The following BRD4 variants were observed in gnomAD, a reference collection of about 807,000 sequenced individuals.
The protein encoded by BRD4 is bromodomain-containing protein 4.
Under a neutral mutation model 142.1 loss-of-function variants are expected in BRD4, and 16 were observed. The ratio of observed to expected loss-of-function variants is 0.11; its 90% CI spans 0.08 to 0.17. The LOEUF is 0.17. Among genes scored for constraint, BRD4 ranks in the 10% least tolerant of loss-of-function variants. The pLI is 1.00. For synonymous variants in BRD4, 833 were observed against 707.5 expected (o/e 1.18, Z -2.82); for missense variants, 1,424 against 1,810.9 (o/e 0.79, Z 3.88).
intron 11 of BRD4, among the ~76,000 whole-genome samples, chr19:15,246,107 G>C (rs2047283591): frequency 6.6e-6 from 1 of 152,190 alleles, no homozygotes; most frequent in South Asian, 2.1e-4. Context: ...CTGCAACTGG[G>C]GACACGGGGG....
Position 15,238,334 on chromosome 19 carries a change from A to G in BRD4, c.*43T>C. On this transcript the variant is annotated 3_prime_UTR_variant, in exon 20 of 20. Coordinates refer to ENST00000679869, the MANE Select transcript of BRD4 (RefSeq NM_001379291.1). This position sits in a 1 kb window ranked among gnomAD's most constrained non-coding sequence, Gnocchi z 7.2. ...CCGCCCCTAACACTATGGAAAGTCA[A>G]TGTTTTGCCAGAAAATCAAAGTCAG... 1.2e-6 allele frequency: 2 copies of G among 1,613,112 alleles called. No individual in the cohort carries two copies. Among genetic ancestry groups the G allele is most frequent in the Non-Finnish European group, 1.7e-6 (2 of 1,179,376 alleles).
intron 7 of BRD4, among the ~76,000 whole-genome samples, chr19:15,262,119 C>A (rs186380990): frequency 5.3e-5 from 8 of 152,244 alleles, no homozygotes; most frequent in African/African-American, 1.9e-4. Context: ...CAGGTACGGG[C>A]TGCTATGCTG....
At chr19:15,292,561 G>A (rs1004100028) in intron 1 of BRD4, among the ~76,000 whole-genome samples, 2 of 151,986 alleles carry the variant, frequency 1.3e-5, no homozygotes, top group Non-Finnish European at 2.9e-5. Flanking sequence ...GGCGGATCAC[G>A]AGGTCAGGAG....
At chr19:15,284,551 G>A (rs1473510830) in intron 1 of BRD4, among the ~76,000 whole-genome samples, 2 of 152,180 alleles carry the variant, frequency 1.3e-5, no homozygotes, top group Non-Finnish European at 2.9e-5. Context: ...AACAGGCCAA[G>A]GGGTCCCCAC....
intron 1 of BRD4, among the ~76,000 whole-genome samples, chr19:15,287,654 G>A (rs2047750293): frequency 6.6e-6 from 1 of 152,140 alleles, no homozygotes; most frequent in African/African-American, 2.4e-5. Context: ...TGTCTCTGTG[G>A]AAGTGACTCC....
intron 4 of BRD4, among the ~76,000 whole-genome samples, chr19:15,266,798 T>C (rs538297083): frequency 2.0e-5 from 3 of 152,262 alleles, no homozygotes; most frequent in African/African-American, 7.2e-5. Flanking sequence ...TTCTGCAGCA[T>C]GGAGTTGCAA....
chr19:15,236,983 G>A lies in BRD4; in HGVS notation c.*1394C>T, dbSNP rs777704868. ...GGTGTAGAGTGGGTTCTCATGGCAC[G>A]CGTAACCTCACCAGGGGCTCCAATT... On this transcript the variant is annotated 3_prime_UTR_variant, in exon 20 of 20. Transcript: ENST00000679869. The A allele has an allele frequency of 7.0e-5, 14 of 200,398 alleles. No individual in the cohort carries two copies. Among genetic ancestry groups the A allele is most frequent in the Admixed American group, 1.8e-4 (3 of 16,230 alleles). 12.4% of individuals were successfully genotyped at this position (200,398 alleles called of 1,614,324 possible).
At chr19:15,247,742 G>C in intron 11 of BRD4, 1 of 233,036 alleles carries the variant, frequency 4.3e-6, no homozygotes, top group Non-Finnish European at 8.5e-6. Context: ...AGGCGGGACT[G>C]CAACAGGAAC....
chr19:15,311,712 G>C (rs569188243), intron 1 of BRD4, among the ~76,000 whole-genome samples: 62 of 152,156 alleles, frequency 4.1e-4, no homozygotes, highest in African/African-American at 1.4e-3. Context: ...TGAGGCAGGA[G>C]AATCACTTGA....
chr19:15,307,367 G>A (rs929956223), intron 1 of BRD4, among the ~76,000 whole-genome samples: 14 of 152,132 alleles, frequency 9.2e-5, no homozygotes, highest in South Asian at 2.1e-4. Context: ...CACTGACAGG[G>A]AAACAGGATC....
chr19:15,312,399 C>T (rs1191511728), intron 1 of BRD4, among the ~76,000 whole-genome samples: 5 of 151,908 alleles, frequency 3.3e-5, no homozygotes, highest in Admixed American at 2.6e-4. Context: ...TCTGGGAGGC[C>T]GAGGCGGGCA....
chr19:15,301,548 G>A (rs1324697934), intron 1 of BRD4, among the ~76,000 whole-genome samples: 1 of 144,318 alleles, frequency 6.9e-6, no homozygotes, highest in Non-Finnish European at 1.5e-5. Flanking sequence ...GGGCGACAGA[G>A]CAAGACTACG....
At chr19:15,306,843 G>A (rs1173984988) in intron 1 of BRD4, among the ~76,000 whole-genome samples, 2 of 152,016 alleles carry the variant, frequency 1.3e-5, no homozygotes, top group Non-Finnish European at 2.9e-5. Flanking sequence ...CACTGATCAC[G>A]AATCATAACA....
At chr19:15,259,861 A>C (rs2047450330) in intron 7 of BRD4, among the ~76,000 whole-genome samples, 1 of 152,232 alleles carries the variant, frequency 6.6e-6, no homozygotes, top group Non-Finnish European at 1.5e-5. Context: ...GTGTGCTGAG[A>C]CCTAAGAGTG....
At chr19:15,296,071 T>G (rs190220401) in intron 1 of BRD4, among the ~76,000 whole-genome samples, 39 of 152,128 alleles carry the variant, frequency 2.6e-4, no homozygotes, top group Admixed American at 2.2e-3. Context: ...CTGGCCAACA[T>G]GGTGATATCC....
At chr19:15,263,275 G>C (rs1205924332) in intron 7 of BRD4, 145 bp downstream of exon 7, 1 of 1,058,292 alleles carries the variant, frequency 9.4e-7, no homozygotes, top group African/African-American at 1.6e-5. Flanking sequence ...GCACTAGGCT[G>C]ACTTTAGGCA....
chr19:15,277,003 G>A (rs1026259384), intron 1 of BRD4, among the ~76,000 whole-genome samples: 1 of 152,138 alleles, frequency 6.6e-6, no homozygotes, highest in African/African-American at 2.4e-5. Flanking sequence ...GTGGGGGTCA[G>A]GCAGGCAGTG....
intron 11 of BRD4, among the ~76,000 whole-genome samples, chr19:15,251,177 T>C (rs2047339834): frequency 6.6e-6 from 1 of 151,992 alleles, no homozygotes; most frequent in African/African-American, 2.4e-5. Flanking sequence ...CCTGCCTGTG[T>C]TCCGTTGCTC....
intron 2 of BRD4, among the ~76,000 whole-genome samples, chr19:15,270,322 T>C (rs2047573662): frequency 6.6e-6 from 1 of 152,152 alleles, no homozygotes; most frequent in African/African-American, 2.4e-5. Flanking sequence ...AAGGGCCACC[T>C]GCTTACATGT....
Sources: gnomAD v4.1 joint callset for allele counts (sites outside exome capture counted in the v4.1 genomes callset) on GRCh38, gnomAD v4.1.1 for gene constraint, Gnocchi (gnomAD v3.1) non-coding constraint, MANE v1.5 for transcripts, NCBI Gene and HGNC (gene_info 2026-07-23, HGNC 2026-07-21) for gene names.